The following RP1L1 variants were observed in gnomAD, a reference collection of about 807,000 sequenced individuals.
RP1L1 encodes the protein retinitis pigmentosa 1-like 1 protein.
RP1L1 carries 27 observed loss-of-function variants against 15.7 expected under a neutral mutation model. The ratio of observed to expected loss-of-function variants is 1.72; its 90% CI spans 1.27 to 2.38. The LOEUF is 2.38. Ranked by LOEUF, RP1L1 falls within the 30% of genes most tolerant of loss-of-function variation. The probability of loss-of-function intolerance (pLI) is 0.00; values close to 1 mark genes in which losing one functional copy is unlikely to be tolerated. For synonymous variants in RP1L1, 1,813 were observed against 1,276.7 expected (o/e 1.42, Z -8.96); for missense variants, 4,798 against 3,075.9 (o/e 1.56, Z -13.24).
intron 3 of RP1L1, among the ~76,000 whole-genome samples, chr8:10,613,932 C>T (rs1334200829): frequency 6.6e-6 from 1 of 152,224 alleles, no homozygotes; most frequent in Non-Finnish European, 1.5e-5. Flanking sequence ...TTACTAGCTG[C>T]GTAGTTTTTG....
intron 2 of RP1L1, among the ~76,000 whole-genome samples, chr8:10,616,964 C>G (rs1462435479): frequency 6.6e-6 from 1 of 152,188 alleles, no homozygotes; most frequent in Non-Finnish European, 1.5e-5. Flanking sequence ...CCAGCTCCCA[C>G]AGCGGGGCCC....
At chr8:10,641,508 A>G (rs1798406471) in intron 1 of RP1L1, among the ~76,000 whole-genome samples, 1 of 152,270 alleles carries the variant, frequency 6.6e-6, no homozygotes, top group Non-Finnish European at 1.5e-5. Flanking sequence ...CACATTTTAA[A>G]AAGATGTGAG....
At position 10,606,588 on chromosome 8, in the gene RP1L1, A is replaced by G. The variant is rs146542491; in HGVS notation, c.*307T>C. The stretch of plus-strand genomic sequence containing the variant: ...CAAAAGCTAAACTGGAGCCTTTCCA[A>G]TCAGTTCCATCTTTCGGGCTCTGCA... On this transcript the variant is annotated 3_prime_UTR_variant, in exon 4 of 4. Coordinates refer to ENST00000382483, the MANE Select transcript of RP1L1 (RefSeq NM_178857.6). The G allele has an allele frequency of 8.8e-5, 35 of 396,292 alleles. No individual in the cohort carries two copies. The highest frequency in any genetic ancestry group is 4.9e-4 in the African/African-American group (24 of 48,712). The allele number at this position is 396,292 out of a possible 1,614,324, so 24.5% of individuals were successfully genotyped here. A position where few individuals can be genotyped will look rare whatever the true frequency, so the allele number is the denominator to read the frequency against.
At position 10,612,305 on chromosome 8, in the gene RP1L1, G is replaced by A. The variant is rs1275628140; in HGVS notation, c.1793C>T (p.Thr598Ile). ...CACAGCCGCTCCCGTGGCCTGCTCG[G>A]TGCCCTGTCCTTGCGTCTCTGCCTG... Reference protein sequence around the residue: ...DLQAETQGQGTEQATGAAVTR... With the variant: ...DLQAETQGQGIEQATGAAVTR... The change falls in exon 4 of 4, where the codon ACC (threonine) becomes ATC (isoleucine). Residue 598 changes from threonine to isoleucine, a missense_variant. Thr to Ile is a moderately conservative substitution (Grantham distance 89). Transcript: ENST00000382483. 1 of 1,613,260 alleles carries A rather than the reference G, an allele frequency of 6.2e-7. No homozygotes were observed. The highest frequency in any genetic ancestry group is 8.5e-7 in the Non-Finnish European group (1 of 1,180,034).
chr8:10,649,599 C>A (rs771642615), intron 1 of RP1L1, among the ~76,000 whole-genome samples: 1 of 152,152 alleles, frequency 6.6e-6, no homozygotes, highest in Non-Finnish European at 1.5e-5. Flanking sequence ...AAGCTTCTGG[C>A]CAGGTGCGGT....
chr8:10,631,322 C>G (rs1349106166), intron 1 of RP1L1, among the ~76,000 whole-genome samples: 1 of 72,696 alleles, frequency 1.4e-5, no homozygotes, highest in Non-Finnish European at 3.5e-5. Context: ...CACGCACACA[C>G]GCACACACAC....
intron 1 of RP1L1, among the ~76,000 whole-genome samples, chr8:10,636,808 C>T (rs942638244): frequency 1.7e-4 from 26 of 152,350 alleles, no homozygotes; most frequent in Admixed American, 3.3e-4. Flanking sequence ...AGATCAGAAC[C>T]GACTCCCTCC....
chr8:10,623,404 C>G (rs13258599), intron 1 of RP1L1, among the ~76,000 whole-genome samples, 184 bp from the exon 2 acceptor site: 1 of 152,200 alleles, frequency 6.6e-6, no homozygotes, highest in Non-Finnish European at 1.5e-5. Context: ...TGGGACAGAT[C>G]TGAGTTCAAA....
rs761185796 is a variant in RP1L1 at position 10,611,910 on chromosome 8, G to C, written c.2188C>G (p.Gln730Glu). The C allele has an allele frequency of 1.9e-6, 3 of 1,613,884 alleles. No homozygotes were observed. The highest frequency in any genetic ancestry group is 4.5e-5 in the East Asian group (2 of 44,876). ...GCACTGCTGGTTCCCAGAAGGTCCT[G>C]GGAAGGAAGAGAGCCCGAGGAGGGA... Reference protein sequence around the residue: ...RPPSSGSLPSQDLLGTSSATV... With the variant: ...RPPSSGSLPSEDLLGTSSATV... Residue 730 changes from glutamine (Q) to glutamate (E), a missense_variant, in exon 4 of 4, where the codon CAG becomes GAG. Transcript: ENST00000382483.
intron 1 of RP1L1, among the ~76,000 whole-genome samples, chr8:10,631,608 C>T (rs905012667): frequency 1.2e-4 from 18 of 152,194 alleles, no homozygotes; most frequent in African/African-American, 4.3e-4. Context: ...AGGAGACATC[C>T]GAGGCTTGGC....
In RP1L1 at chr8:10,633,609, C is replaced by T. The variant is rs184272741; in HGVS notation, c.-19-10389G>A. Among the ~76,000 whole-genome samples, 42 of 152,236 alleles carry T rather than the reference C, an allele frequency of 2.8e-4. No homozygotes were observed. In the East Asian group the frequency reaches 4.8e-3, roughly 18 times the overall value. ...ACCCACTCAGAGGAGCGCAGCGTCC[C>T]GCACAGGAGGCAGAACAACTGCTGT... On this transcript the variant is annotated intron_variant, in intron 1 of 3. Transcript: ENST00000382483.
intron 2 of RP1L1, among the ~76,000 whole-genome samples, chr8:10,620,196 T>C (rs1263605961): frequency 1.3e-5 from 2 of 152,196 alleles, no homozygotes; most frequent in East Asian, 3.8e-4. Flanking sequence ...TGGATGTTAG[T>C]CCAGGGTCTC....
At chr8:10,621,677 C>G (rs898683515) in intron 2 of RP1L1, 5 of 482,788 alleles carry the variant, frequency 1.0e-5, no homozygotes, top group African/African-American at 9.7e-5. Flanking sequence ...TGTTAAGGAG[C>G]AACAGGACTG....
chr8:10,622,045 G>T (rs949853152), intron 2 of RP1L1, among the ~76,000 whole-genome samples: 1 of 152,156 alleles, frequency 6.6e-6, no homozygotes. Flanking sequence ...AAGGCTGCTG[G>T]GCATGGTGGC....
rs190389002 is a variant in RP1L1, at chr8:10,654,365, C to A, written c.-20+533G>T. ...AATTCAATGACCTCATTGATAGGGA[C>A]CTTCTATGCCCCTTCCTTACCACTC... On this transcript the variant is annotated intron_variant, in intron 1 of 3. Transcript: ENST00000382483. 2.6e-5 allele frequency among the ~76,000 whole-genome samples: 4 copies of A among 152,214 alleles called. No homozygotes were observed. The South Asian group carries it at 6.2e-4, about 24-fold the overall frequency.
In RP1L1 at chr8:10,608,539, G is replaced by A; in HGVS notation, c.5559C>T (p.Ala1853=). 1 of 1,600,720 alleles carries A rather than the reference G, an allele frequency of 6.2e-7. No homozygotes were observed. The highest frequency in any genetic ancestry group is 8.5e-7 in the Non-Finnish European group (1 of 1,170,460). The part of the protein sequence containing the change: ...EAQPESEGVE[A]PEAEGDAQEA... Reference sequence around the variant, plus strand: ...CCTGGGCATCCCCTTCTGCCTCTGGGGCCTCTACACCTTCTGACTCTGGCT... The same window carrying A: ...CCTGGGCATCCCCTTCTGCCTCTGGAGCCTCTACACCTTCTGACTCTGGCT... Residue 1853 remains alanine (A), a synonymous_variant, in exon 4 of 4, where the codon GCC becomes GCT. Transcript: ENST00000382483.
At position 10,607,421 on chromosome 8, in the gene RP1L1, T is replaced by C. The variant is rs971271959; in HGVS notation, c.6677A>G (p.Glu2226Gly). The C allele has an allele frequency of 1.9e-6, 3 of 1,613,728 alleles. No individual in the cohort carries two copies. In the African/African-American group the frequency reaches 4.0e-5, roughly 22 times the overall value. The change falls in exon 4 of 4, where the codon GAA (glutamate) becomes GGA (glycine). Residue 2226 changes from glutamate to glycine, a missense_variant. Transcript: ENST00000382483. ...EAEEEAQPEP[E>G]GVETPEAEGE... ...TTCAGCCTCCGGGGTCTCTACGCCT[T>C]CTGGCTCTGGCTGGGCCTCCTCTTC...
In RP1L1 at chr8:10,611,671, C is replaced by G. The variant is rs750046792; in HGVS notation, c.2427G>C (p.Gln809His). The G allele has an allele frequency of 6.2e-7, 1 of 1,613,352 alleles. No homozygotes were observed. The highest frequency in any genetic ancestry group is 1.1e-5 in the South Asian group (1 of 91,086). ...CCGCCCCTTGCTCAGGCCGTCCAACCTGCAGAACCAAGGGTGAGGAGGGCT... is the reference window on the plus strand; with the variant it reads ...CCGCCCCTTGCTCAGGCCGTCCAACGTGCAGAACCAAGGGTGAGGAGGGCT... ...TPQPSSPLVL[Q>H]VGRPEQGAVG... Residue 809 changes from glutamine to histidine, a missense_variant, in exon 4 of 4, where the codon CAG becomes CAC. Gln to His is a conservative substitution (Grantham distance 24). Transcript: ENST00000382483.
At chr8:10,615,387 A>G (rs180848660) in intron 3 of RP1L1, among the ~76,000 whole-genome samples, 1 of 152,240 alleles carries the variant, frequency 6.6e-6, no homozygotes, top group Non-Finnish European at 1.5e-5. Context: ...GGTTGGTTGT[A>G]TGGATGGATG....
Sources: allele counts gnomAD v4.1 joint callset (sites outside exome capture counted in the v4.1 genomes callset), GRCh38; gene constraint gnomAD v4.1.1; transcripts MANE v1.5; gene names NCBI Gene and HGNC (gene_info 2026-07-23, HGNC 2026-07-21).